CSMD1: variants seen among roughly 807,000 people sequenced by gnomAD.
The protein encoded by CSMD1 is CUB and sushi domain-containing protein 1.
In CSMD1, 213 loss-of-function variants were observed where a neutral mutation model predicts 417.5. That is an observed-to-expected ratio of 0.51 (90% CI 0.46 to 0.57). The LOEUF is 0.57. Among genes scored for constraint, CSMD1 ranks in the 20% least tolerant of loss-of-function variants. CSMD1 has a pLI of 0.00. For missense variants in CSMD1, 6,923 were observed against 4,529.7 expected (o/e 1.53, Z -15.17); for synonymous variants, 2,862 against 1,736.8 (o/e 1.65, Z -16.11).
intron 3 of CSMD1, among the ~76,000 whole-genome samples, chr8:4,039,833 A>G (rs1292163332): frequency 6.6e-6 from 1 of 152,178 alleles, no homozygotes; most frequent in Non-Finnish European, 1.5e-5. Context: ...CATCAAATAG[A>G]TTTGGGTTTC....
chr8:3,308,115 C>G (rs934801160), intron 24 of CSMD1, among the ~76,000 whole-genome samples, 197 bp downstream of exon 24: 39 of 151,986 alleles, frequency 2.6e-4, no homozygotes, highest in Non-Finnish European at 1.0e-4. Flanking sequence ...GTCTCCATAA[C>G]AGAATACTAG....
intron 10 of CSMD1, among the ~76,000 whole-genome samples, chr8:3,550,257 G>A (rs2116773613): frequency 6.6e-6 from 1 of 152,100 alleles, no homozygotes; most frequent in South Asian, 2.1e-4. Context: ...CTCACCACCT[G>A]TCACCAGGCC....
At chr8:4,513,100 C>T (rs1802914694) in intron 2 of CSMD1, among the ~76,000 whole-genome samples, 1 of 152,052 alleles carries the variant, frequency 6.6e-6, no homozygotes, top group Non-Finnish European at 1.5e-5. Flanking sequence ...TTGTCCAAAC[C>T]CATAAAATTG....
intron 6 of CSMD1, among the ~76,000 whole-genome samples, chr8:3,712,214 G>A (rs1429987487): frequency 6.6e-6 from 1 of 152,154 alleles, no homozygotes; most frequent in Non-Finnish European, 1.5e-5. Context: ...GTACAAAAAG[G>A]GAAGGTGACT....
At position 3,262,187 on chromosome 8, in the gene CSMD1, ATATATATATATATATATATATAT is replaced by A. The variant is rs1801121633; in HGVS notation, c.4153+21934_4153+21956del. On this transcript the variant is annotated intron_variant, in intron 26 of 69. Transcript: ENST00000635120. Reference sequence around the variant, plus strand: ...TTTCTAAAATTATGCTCATATGAATATATATATATATATATATATATATATATATATATATATATATATACACA... The same window carrying A: ...TTTCTAAAATTATGCTCATATGAATAATATATATATATATATATATACACA... Among the ~76,000 whole-genome samples the A allele has an allele frequency of 5.1e-4, 24 of 46,796 alleles. 2 individuals are homozygous for A. Among genetic ancestry groups the A allele is most frequent in the East Asian group, 3.8e-3 (8 of 2,082 alleles). The allele number at this position is 46,796 out of a possible 152,430, so 30.7% of individuals were successfully genotyped here.
At chr8:4,852,335 G>A (rs1801527346) in intron 1 of CSMD1, among the ~76,000 whole-genome samples, 1 of 152,114 alleles carries the variant, frequency 6.6e-6, no homozygotes, top group Admixed American at 6.6e-5. Context: ...CCTTGCAACA[G>A]TGAGAGAGTT....
intron 3 of CSMD1, among the ~76,000 whole-genome samples, chr8:4,107,608 T>A (rs988000365): frequency 6.6e-6 from 1 of 152,188 alleles, no homozygotes; most frequent in Non-Finnish European, 1.5e-5. Flanking sequence ...GCTGGGAGTA[T>A]GAGCGACTCA....
intron 1 of CSMD1, among the ~76,000 whole-genome samples, chr8:4,829,046 A>G (rs985709370): frequency 1.3e-5 from 2 of 152,216 alleles, no homozygotes; most frequent in Admixed American, 1.3e-4. Context: ...AAAAGTAATG[A>G]TAACTTAATA....
intron 25 of CSMD1, 52 bp downstream of exon 25, chr8:3,307,643 T>C (rs935837898): frequency 4.5e-6 from 7 of 1,567,022 alleles, no homozygotes; most frequent in Middle Eastern, 1.7e-4. Flanking sequence ...GCTACAAGAA[T>C]AGAAGGCATA....
chr8:4,157,842 G>T (rs151223258), intron 3 of CSMD1, among the ~76,000 whole-genome samples: 30 of 152,132 alleles, frequency 2.0e-4, no homozygotes, highest in Non-Finnish European at 2.9e-5. Context: ...CTCCCCACAG[G>T]AAAACAGGAT....
At chr8:2,979,427 C>T (rs995670441) in intron 54 of CSMD1, among the ~76,000 whole-genome samples, 1 of 152,222 alleles carries the variant, frequency 6.6e-6, no homozygotes, top group Non-Finnish European at 1.5e-5. Context: ...CTCTGAAAGG[C>T]ATTAGCCTGA....
At chr8:3,607,949 C>A (rs1801700860) in intron 8 of CSMD1, among the ~76,000 whole-genome samples, 1 of 152,092 alleles carries the variant, frequency 6.6e-6, no homozygotes, top group South Asian at 2.1e-4. Context: ...GCAGGCGGAT[C>A]ACTTGAGGTC....
intron 2 of CSMD1, among the ~76,000 whole-genome samples, chr8:4,459,790 G>C (rs1044864981): frequency 6.6e-6 from 1 of 152,154 alleles, no homozygotes; most frequent in South Asian, 2.1e-4. Context: ...ATTAATTTTT[G>C]CTGTTTAAAA....
chr8:4,822,049 CCCTTTTCTATTCTCTT>C (rs1280946805), intron 1 of CSMD1, among the ~76,000 whole-genome samples: 1 of 152,142 alleles, frequency 6.6e-6, no homozygotes, highest in Non-Finnish European at 1.5e-5. Flanking sequence ...TTCCCTCTTT[CCCTTTTCTATTCTCTT>C]CCTTTCTTTT....
rs145648841 is a variant in CSMD1 at position 3,596,100 on chromosome 8, G to A, written c.1098-9840C>T. On this transcript the variant is annotated intron_variant, in intron 8 of 69. Transcript: ENST00000635120. ...CTCTTCGAACTCTAGACCAAAAGGCGTTTTGCGGATCATGCTCTTTGCTCT... is the reference window on the plus strand; with the variant it reads ...CTCTTCGAACTCTAGACCAAAAGGCATTTTGCGGATCATGCTCTTTGCTCT... 4.0e-3 allele frequency among the ~76,000 whole-genome samples: 607 copies of A among 152,320 alleles called. 2 individuals carry two copies. Among genetic ancestry groups the A allele is most frequent in the Non-Finnish European group, 6.4e-3 (433 of 68,040 alleles).
At chr8:4,157,225 G>C (rs1290480047) in intron 3 of CSMD1, among the ~76,000 whole-genome samples, 2 of 152,160 alleles carry the variant, frequency 1.3e-5, no homozygotes, top group African/African-American at 4.8e-5. Flanking sequence ...CACAGAAGGA[G>C]TTTATAAGAA....
At chr8:4,284,050 T>G (rs578058242) in intron 3 of CSMD1, among the ~76,000 whole-genome samples, 1 of 152,238 alleles carries the variant, frequency 6.6e-6, no homozygotes, top group African/African-American at 2.4e-5. Flanking sequence ...CTGGCCATCA[T>G]TGTGAAACCT....
chr8:3,990,718 A>G (rs1814678271), intron 5 of CSMD1, among the ~76,000 whole-genome samples: 2 of 152,202 alleles, frequency 1.3e-5, no homozygotes, highest in African/African-American at 4.8e-5. Context: ...ATTCTAGGCA[A>G]TAAGACAGTC....
At chr8:3,983,797 TG>T (rs1202572693) in intron 5 of CSMD1, among the ~76,000 whole-genome samples, 3 of 152,066 alleles carry the variant, frequency 2.0e-5, no homozygotes, top group Non-Finnish European at 4.4e-5. Flanking sequence ...GCAGTTCTGA[TG>T]GGGCTGTCAA....
Sources: allele counts gnomAD v4.1 joint callset (sites outside exome capture counted in the v4.1 genomes callset), GRCh38; gene constraint gnomAD v4.1.1; transcripts MANE v1.5; gene names NCBI Gene and HGNC (gene_info 2026-07-23, HGNC 2026-07-21).